OSBPL8: variants seen among roughly 807,000 people sequenced by gnomAD.
OSBPL8 encodes the protein oxysterol binding protein like 8.
In OSBPL8, 59 loss-of-function variants were observed where a neutral mutation model predicts 125.5. The observed-to-expected ratio is 0.47, with a 90% CI of 0.38 to 0.58. The LOEUF (loss-of-function observed/expected upper bound fraction) is 0.58. Among genes scored for constraint, OSBPL8 ranks in the 20% least tolerant of loss-of-function variants. OSBPL8 has a pLI of 0.00. For missense variants in OSBPL8, 758 were observed against 1,047.8 expected (o/e 0.72, Z 3.82); for synonymous variants, 330 against 338.9 (o/e 0.97, Z 0.29).
At chr12:76,356,753 T>G in intron 22 of OSBPL8, 25 bp from the exon 23 acceptor site, 1 of 1,461,496 alleles carries the variant, frequency 6.8e-7, no homozygotes. Context: ...AGAATGAAGT[T>G]GAAACTATAA....
chr12:76,529,610 C>T (rs532977518), intron 1 of OSBPL8, among the ~76,000 whole-genome samples: 2 of 151,778 alleles, frequency 1.3e-5, no homozygotes, highest in Non-Finnish European at 2.9e-5. Context: ...CTGAATACAT[C>T]GTTGAAACCC....
chr12:76,363,470 A>C (rs1480501436), intron 21 of OSBPL8, among the ~76,000 whole-genome samples: 2 of 152,226 alleles, frequency 1.3e-5, no homozygotes, highest in African/African-American at 4.8e-5. Context: ...CAGAAAACTG[A>C]AACTGGTTTC....
At chr12:76,554,088 C>A (rs753301911) in intron 1 of OSBPL8, among the ~76,000 whole-genome samples, 1 of 151,128 alleles carries the variant, frequency 6.6e-6, no homozygotes, top group East Asian at 1.9e-4. Context: ...ATACTGTTAT[C>A]TATTATGTTC....
At chr12:76,394,828 A>T in intron 8 of OSBPL8, 99 bp from the exon 9 acceptor site, 1 of 785,856 alleles carries the variant, frequency 1.3e-6, no homozygotes, top group Non-Finnish European at 1.9e-6. Context: ...TAAATCAGGT[A>T]TGGATTATAA....
rs540651362 is a variant in OSBPL8 at position 76,356,038 on chromosome 12, C to A, written c.2538-17G>T. 3.9e-5 allele frequency: 63 copies of A among 1,598,896 alleles called. No homozygotes were observed. The South Asian group carries it at 6.5e-4, about 17-fold the overall frequency. On this transcript the variant is annotated splice_polypyrimidine_tract_variant and intron_variant, in intron 23 of 23. Coordinates refer to ENST00000261183, the MANE Select transcript of OSBPL8 (RefSeq NM_020841.5). ...ATAATATTTCTATAAAAATAAGCAA[C>A]AACAAATTTTGTAATGATTTGCCAG...
intron 1 of OSBPL8, among the ~76,000 whole-genome samples, chr12:76,497,520 C>T (rs1405272653): frequency 6.6e-6 from 1 of 152,158 alleles, no homozygotes; most frequent in Non-Finnish European, 1.5e-5. Context: ...AGACCTACAC[C>T]TAAACCCTAA....
chr12:76,422,912 T>A (rs535311047), intron 4 of OSBPL8: 6 of 203,252 alleles, frequency 3.0e-5, no homozygotes, highest in Non-Finnish European at 6.3e-5. Flanking sequence ...AAGGCTATTC[T>A]ACTAATGTTT....
intron 4 of OSBPL8, among the ~76,000 whole-genome samples, chr12:76,410,895 A>G (rs567058413): frequency 1.3e-5 from 2 of 152,192 alleles, no homozygotes; most frequent in African/African-American, 4.8e-5. Context: ...GCATAAATTC[A>G]GCGCTTATAG....
intron 3 of OSBPL8, among the ~76,000 whole-genome samples, chr12:76,453,484 T>C (rs1190629978): frequency 1.3e-5 from 2 of 152,050 alleles, no homozygotes; most frequent in Admixed American, 6.5e-5. Flanking sequence ...ATAGGGAGAA[T>C]AAATTACTCA....
chr12:76,390,120 A>G (rs1953496194), intron 11 of OSBPL8: 2 of 421,500 alleles, frequency 4.7e-6, no homozygotes, highest in African/African-American at 2.0e-5. Flanking sequence ...TAACAAAGTT[A>G]TAAACTCACG....
At chr12:76,442,878 C>T (rs1299648869) in intron 4 of OSBPL8, among the ~76,000 whole-genome samples, 1 of 152,144 alleles carries the variant, frequency 6.6e-6, no homozygotes, top group East Asian at 1.9e-4. Context: ...CGCTGTCACC[C>T]TGGGGAATCT....
chr12:76,434,566 G>C (rs950286883), intron 4 of OSBPL8, among the ~76,000 whole-genome samples: 2 of 152,010 alleles, frequency 1.3e-5, no homozygotes, highest in African/African-American at 4.8e-5. Context: ...AATGGCAACT[G>C]AAAGAATAGA....
intron 1 of OSBPL8, among the ~76,000 whole-genome samples, chr12:76,529,180 T>G (rs1565973831): frequency 6.6e-6 from 1 of 152,162 alleles, no homozygotes; most frequent in Non-Finnish European, 1.5e-5. Context: ...GAACAACAAT[T>G]ATTTAAAGCA....
chr12:76,548,755 A>G (rs1950854327), intron 1 of OSBPL8, among the ~76,000 whole-genome samples: 1 of 152,204 alleles, frequency 6.6e-6, no homozygotes, highest in Non-Finnish European at 1.5e-5. Flanking sequence ...ACTCAAAGAA[A>G]AAAAAATCTA....
At chr12:76,507,331 C>T (rs1024341652) in intron 1 of OSBPL8, among the ~76,000 whole-genome samples, 2 of 151,702 alleles carry the variant, frequency 1.3e-5, no homozygotes, top group African/African-American at 4.9e-5. Flanking sequence ...AGGTTAATGG[C>T]TTTAATACAT....
At chr12:76,428,211 GACAA>G (rs1402767239) in intron 4 of OSBPL8, among the ~76,000 whole-genome samples, 1 of 151,904 alleles carries the variant, frequency 6.6e-6, no homozygotes, top group Non-Finnish European at 1.5e-5. Context: ...GAAAATGGTA[GACAA>G]ACAGAGGCAA....
At chr12:76,484,614 G>A (rs1397806129) in intron 2 of OSBPL8, among the ~76,000 whole-genome samples, 3 of 152,122 alleles carry the variant, frequency 2.0e-5, no homozygotes, top group Non-Finnish European at 4.4e-5. Flanking sequence ...GAAACCTGGA[G>A]AATTTACTAC....
chr12:76,458,116 A>T (rs1874280827), intron 3 of OSBPL8, among the ~76,000 whole-genome samples: 1 of 151,974 alleles, frequency 6.6e-6, no homozygotes, highest in Non-Finnish European at 1.5e-5. Flanking sequence ...TACAAAAAAT[A>T]AAAATAAAAA....
At chr12:76,447,909 T>C (rs898748545) in intron 4 of OSBPL8, among the ~76,000 whole-genome samples, 4 of 152,188 alleles carry the variant, frequency 2.6e-5, no homozygotes, top group Admixed American at 6.5e-5. Flanking sequence ...GGAGACTCTT[T>C]AGGATTAAGG....
Sources: gnomAD v4.1 joint callset for allele counts (sites outside exome capture counted in the v4.1 genomes callset) on GRCh38, gnomAD v4.1.1 for gene constraint, MANE v1.5 for transcripts, NCBI Gene and HGNC (gene_info 2026-07-23, HGNC 2026-07-21) for gene names.